The following FUT1 variants were observed in gnomAD, a reference collection of about 807,000 sequenced individuals.
The protein encoded by FUT1 is galactoside alpha-(1,2)-fucosyltransferase 1.
For missense variants in FUT1, 476 were observed against 492.7 expected, an observed-to-expected ratio of 0.97 and a Z score of 0.32; for synonymous variants, 215 against 208.7, an observed-to-expected ratio of 1.03 and a Z score of -0.26.
At position 48,749,319 on chromosome 19, in the gene FUT1, A is replaced by AATAAATAATTTT. The variant is rs2033958480; in HGVS notation, c.*864_*865insAAAATTATTTAT. 1 of 94,072 alleles carries AATAAATAATTTT rather than the reference A, an allele frequency of 1.1e-5. No individual in the cohort carries two copies. Among genetic ancestry groups the AATAAATAATTTT allele is most frequent in the Non-Finnish European group, 2.3e-5 (1 of 43,710 alleles). 5.8% of individuals were successfully genotyped at this position (94,072 alleles called of 1,614,324 possible). On this transcript the variant is annotated 3_prime_UTR_variant, in exon 2 of 2. Transcript: ENST00000645652. The stretch of plus-strand genomic sequence containing the variant: ...AAATAAATAAATAAATAAATAATTA[A>AATAAATAATTTT]AAAAAAAATATCCGGGCTGGGCACA...
Position 48,751,159 on chromosome 19 carries a change from C to T in FUT1, c.123G>A (p.Leu41=). ...SFPHGLGLSI[L]CPDRRLVTPP... Reference sequence around the variant, plus strand: ...GTGTCACCAGGCGGCGGTCTGGACACAGGATCGACAGGCCTAGGCCATGTG... The same window carrying T: ...GTGTCACCAGGCGGCGGTCTGGACATAGGATCGACAGGCCTAGGCCATGTG... The change falls in exon 2 of 2, where the codon CTG becomes CTA. Residue 41 remains leucine (L), a synonymous_variant. Transcript: ENST00000645652. 6.2e-7 allele frequency: 1 copy of T among 1,614,112 alleles called. No individual in the cohort carries two copies. The highest frequency in any genetic ancestry group is 8.5e-7 in the Non-Finnish European group (1 of 1,180,038).
At chr19:48,751,396 A>ACT in intron 1 of FUT1, 113 bp from the exon 2 acceptor site, 1 of 1,133,238 alleles carries the variant, frequency 8.8e-7, no homozygotes, top group Non-Finnish European at 1.3e-6. Context: ...AGTCCCAGGG[A>ACT]AAGAGGAAGT....
At chr19:48,751,905 C>T in intron 1 of FUT1, among the ~76,000 whole-genome samples, 1 of 151,860 alleles carries the variant, frequency 6.6e-6, no homozygotes, top group African/African-American at 2.4e-5. Context: ...GAGCTGAGAT[C>T]ATGCCATTAC....
At position 48,750,747 on chromosome 19, in the gene FUT1, C is replaced by T. The variant is rs768407528; in HGVS notation, c.535G>A (p.Glu179Lys). 3 of 1,613,828 alleles carry T rather than the reference C, an allele frequency of 1.9e-6. No homozygotes were observed. Among genetic ancestry groups the T allele is most frequent in the African/African-American group, 2.7e-5 (2 of 75,052 alleles). Residue 179 changes from glutamate to lysine, a missense_variant, in exon 2 of 2, where the codon GAA (glutamate) becomes AAA (lysine). Coordinates refer to ENST00000645652, the MANE Select transcript of FUT1 (RefSeq NM_001384359.1). ...CSWTFFHHLREQIRREFTLHD... is the reference protein window; with the variant it reads ...CSWTFFHHLRKQIRREFTLHD... Reference sequence around the variant, plus strand: ...AGGGTGAACTCTCTGCGGATCTGTTCCCGGAGATGGTGGAAGAAAGTCCAA... The same window carrying T: ...AGGGTGAACTCTCTGCGGATCTGTTTCCGGAGATGGTGGAAGAAAGTCCAA...
chr19:48,752,400 C>A lies in FUT1; in HGVS notation c.-3+90G>T, dbSNP rs976198002. The A allele has an allele frequency of 1.9e-5, 16 of 825,854 alleles. No individual in the cohort carries two copies. In the African/African-American group the frequency reaches 2.8e-4, roughly 14 times the overall value. 51.2% of individuals were successfully genotyped at this position (825,854 alleles called of 1,614,324 possible). On this transcript the variant is annotated intron_variant, in intron 1 of 1. Transcript: ENST00000645652. The surrounding 1 kb of genome is among the most constrained non-coding windows in gnomAD (Gnocchi z 4.3). ...GGAGATTCCTAGGGCCTTAGGAAGA[C>A]CTGGAGAAGAGGTTGGGGGTGCACC...
rs757082412 is a variant in FUT1 at position 48,750,582 on chromosome 19, C to T, written c.700G>A (p.Gly234Ser). 3.1e-6 allele frequency: 5 copies of T among 1,611,418 alleles called. No individual in the cohort carries two copies. The highest frequency in any genetic ancestry group is 4.2e-6 in the Non-Finnish European group (5 of 1,180,022). The stretch of plus-strand genomic sequence containing the variant: ...AGGTAGGCGCTGTCGCCCACCACAC[C>T]CTTCCAGCGCTGAGGCATAACCTGC... ...YLQVMPQRWK[G>S]VVGDSAYLRQ... is the part of the protein sequence containing the mutation. The change falls in exon 2 of 2, where the codon GGT becomes AGT. Residue 234 changes from glycine (G) to serine (S), a missense_variant. Coordinates refer to ENST00000645652, the MANE Select transcript of FUT1 (RefSeq NM_001384359.1).
At position 48,750,064 on chromosome 19, in the gene FUT1, GA is replaced by G; in HGVS notation, c.*119del. 8.4e-7 allele frequency: 1 copy of G among 1,192,364 alleles called. No homozygotes were observed. The highest frequency in any genetic ancestry group is 1.2e-6 in the Non-Finnish European group (1 of 835,520). 73.9% of individuals were successfully genotyped at this position (1,192,364 alleles called of 1,614,324 possible). Reference sequence around the variant, plus strand: ...AACTCTCCCAACTAGAATCACTCTGGATACGGGCACCCATTTGCTTCAGGAA... The same window carrying G: ...AACTCTCCCAACTAGAATCACTCTGGTACGGGCACCCATTTGCTTCAGGAA... On this transcript the variant is annotated 3_prime_UTR_variant, in exon 2 of 2. Transcript: ENST00000645652.
chr19:48,754,677 A>G (rs921313081), upstream of FUT1, among the ~76,000 whole-genome samples: 6 of 152,186 alleles, frequency 3.9e-5, no homozygotes, highest in African/African-American at 1.4e-4. Context: ...TCATCTCTAT[A>G]TCTAATTTGT....
chr19:48,750,420 C>T lies in FUT1; in HGVS notation c.862G>A (p.Ala288Thr), dbSNP rs961341965. Residue 288 changes from alanine to threonine, a missense_variant, in exon 2 of 2, where the codon GCT (alanine) becomes ACT (threonine). Physicochemically the swap from Ala to Thr is moderately conservative, Grantham distance 58. Transcript: ENST00000645652. ...AGGGCAAAGTCTTTCCACGGTGTAGCCTCCTGTCCATCGCCAGCAAACGTC... is the reference window on the plus strand; with the variant it reads ...AGGGCAAAGTCTTTCCACGGTGTAGTCTCCTGTCCATCGCCAGCAAACGTC... ...DVTFAGDGQEATPWKDFALLT... is the reference protein window; with the variant it reads ...DVTFAGDGQETTPWKDFALLT... 3.1e-6 allele frequency: 5 copies of T among 1,614,118 alleles called. No homozygotes were observed. The African/African-American group carries it at 4.0e-5, about 13-fold the overall frequency.
At chr19:48,752,812 G>T (rs1289898623), upstream of FUT1, 1 of 985,358 alleles carries the variant, frequency 1.0e-6, no homozygotes, top group Non-Finnish European at 1.2e-6. This position sits in a 1 kb window ranked among gnomAD's most constrained non-coding sequence, Gnocchi z 4.3. Flanking sequence ...CCGCTCCCCA[G>T]ATCGGGGATG....
Position 48,751,235 on chromosome 19 carries a change from A to G in FUT1, c.47T>C (p.Val16Ala). Residue 16 changes from valine (V) to alanine (A), a missense_variant, in exon 2 of 2, where the codon GTC (valine) becomes GCC (alanine). By Grantham distance (64) the Val-to-Ala change is moderately conservative (BLOSUM62 0). Coordinates refer to ENST00000645652, the MANE Select transcript of FUT1 (RefSeq NM_001384359.1). Reference protein sequence around the residue: ...HRQLCLAFLLVCVLSVIFFLH... With the variant: ...HRQLCLAFLLACVLSVIFFLH... ...GAAGAAGATTACAGAGAGGACACAG[A>G]CTAGCAGGAAGGCCAGGCAGAGCTG... is the stretch of plus-strand genomic sequence containing the variant. The G allele has an allele frequency of 6.2e-7, 1 of 1,614,134 alleles. No homozygotes were observed. The highest frequency in any genetic ancestry group is 8.5e-7 in the Non-Finnish European group (1 of 1,180,026).
chr19:48,750,740 A>T lies in FUT1; in HGVS notation c.542T>A (p.Ile181Asn), dbSNP rs2033986004. The stretch of plus-strand genomic sequence containing the variant: ...GTCGTGCAGGGTGAACTCTCTGCGG[A>T]TCTGTTCCCGGAGATGGTGGAAGAA... ...WTFFHHLREQIRREFTLHDHL... is the reference protein window; with the variant it reads ...WTFFHHLREQNRREFTLHDHL... The change falls in exon 2 of 2, where the codon ATC becomes AAC. Residue 181 changes from isoleucine to asparagine, a missense_variant. Ile to Asn is a moderately radical substitution (Grantham distance 149). Coordinates refer to ENST00000645652, the MANE Select transcript of FUT1 (RefSeq NM_001384359.1). 1 of 1,613,748 alleles carries T rather than the reference A, an allele frequency of 6.2e-7. No individual in the cohort carries two copies. Among genetic ancestry groups the T allele is most frequent in the African/African-American group, 1.3e-5 (1 of 75,050 alleles).
At chr19:48,751,976 T>G (rs972360902) in intron 1 of FUT1, among the ~76,000 whole-genome samples, 4 of 151,594 alleles carry the variant, frequency 2.6e-5, no homozygotes, top group African/African-American at 9.7e-5. Context: ...TAAAATTAGC[T>G]TGGCATGGTG....
At position 48,752,574 on chromosome 19, in the gene FUT1, C is replaced by A; in HGVS notation, c.-87G>T. 1 of 985,510 alleles carries A rather than the reference C, an allele frequency of 1.0e-6. No individual in the cohort carries two copies. Among genetic ancestry groups the A allele is most frequent in the Non-Finnish European group, 1.2e-6 (1 of 829,948 alleles). 61.0% of individuals were successfully genotyped at this position (985,510 alleles called of 1,614,324 possible). Reference sequence around the variant, plus strand: ...CGCAAAGGCAGGCCACATCCGGCCGCCCCTGGAACGCCAGGCGTCCGGCTA... The same window carrying A: ...CGCAAAGGCAGGCCACATCCGGCCGACCCTGGAACGCCAGGCGTCCGGCTA... On this transcript the variant is annotated 5_prime_UTR_variant, in exon 1 of 2. Coordinates refer to ENST00000645652, the MANE Select transcript of FUT1 (RefSeq NM_001384359.1). The surrounding 1 kb of genome is among the most constrained non-coding windows in gnomAD (Gnocchi z 4.3).
Position 48,750,227 on chromosome 19 carries a change from A to C in FUT1, c.1055T>G (p.Ile352Ser). 1 of 1,612,478 alleles carries C rather than the reference A, an allele frequency of 6.2e-7. No homozygotes were observed. Among genetic ancestry groups the C allele is most frequent in the Non-Finnish European group, 8.5e-7 (1 of 1,179,264 alleles). Reference sequence around the variant, plus strand: ...CCAGAGTGGAGACAAGTCTGCATTAATGCCCACCCACTCGGGCAGGAAGGC... The same window carrying C: ...CCAGAGTGGAGACAAGTCTGCATTACTGCCCACCCACTCGGGCAGGAAGGC... ...EAAFLPEWVG[I>S]NADLSPLWTL... The change falls in exon 2 of 2, where the codon ATT becomes AGT. Residue 352 changes from isoleucine to serine, a missense_variant. Coordinates refer to ENST00000645652, the MANE Select transcript of FUT1 (RefSeq NM_001384359.1).
rs747442925 is a variant in FUT1, at chr19:48,750,840, C to T, written c.442G>A (p.Asp148Asn). ...RTPWRELQLH[D>N]WMSEEYADLR... ...TCCGCGTACTCCTCCGACATCCAGT[C>T]GTGAAGCTGCAGCTCCCGCCACGGC... The change falls in exon 2 of 2, where the codon GAC becomes AAC. Residue 148 changes from aspartate to asparagine, a missense_variant. By Grantham distance (23) the Asp-to-Asn change is conservative. Transcript: ENST00000645652. 1.2e-6 allele frequency: 2 copies of T among 1,613,660 alleles called. No individual in the cohort carries two copies. Among genetic ancestry groups the T allele is most frequent in the Non-Finnish European group, 1.7e-6 (2 of 1,180,006 alleles).
At chr19:48,752,723 T>C, upstream of FUT1, 17 of 985,062 alleles carry the variant, frequency 1.7e-5, no homozygotes, top group Non-Finnish European at 2.0e-5. This position sits in a 1 kb window ranked among gnomAD's most constrained non-coding sequence, Gnocchi z 4.3. Flanking sequence ...GCCGGGCGGA[T>C]GGCTGGAAGG....
At chr19:48,753,161 AGC>A (rs1033458896), upstream of FUT1, 8 of 153,908 alleles carry the variant, frequency 5.2e-5, no homozygotes, top group African/African-American at 1.9e-4. Flanking sequence ...CTGCCGCCGG[AGC>A]GCGCGAGGGC....
rs373310397 is a variant in FUT1, at chr19:48,751,065, G to T, written c.217C>A (p.His73Asn). The change falls in exon 2 of 2, where the codon CAC becomes AAC. Residue 73 changes from histidine to asparagine, a missense_variant. His to Asn is a moderately conservative substitution (Grantham distance 68). Coordinates refer to ENST00000645652, the MANE Select transcript of FUT1 (RefSeq NM_001384359.1). Reference protein sequence around the residue: ...GPNASSSCPQHPASLSGTWTV... With the variant: ...GPNASSSCPQNPASLSGTWTV... ...CAGGTGCCGGAGAGGGAAGCAGGGT[G>T]CTGGGGACAGGAAGAGGAGGCGTTG... 2.5e-6 allele frequency: 4 copies of T among 1,607,234 alleles called. No homozygotes were observed. The highest frequency in any genetic ancestry group is 2.6e-6 in the Non-Finnish European group (3 of 1,175,288).
Sources: gnomAD v4.1 joint callset for allele counts (sites outside exome capture counted in the v4.1 genomes callset) on GRCh38, gnomAD v4.1.1 for gene constraint, Gnocchi (gnomAD v3.1) non-coding constraint, MANE v1.5 for transcripts, NCBI Gene and HGNC (gene_info 2026-07-23, HGNC 2026-07-21) for gene names.